WWC1: variants seen among roughly 807,000 people sequenced by gnomAD.
WWC1 encodes the protein protein KIBRA.
In WWC1, 55 loss-of-function variants were observed where a neutral mutation model predicts 138.4. The observed-to-expected ratio is 0.40, with a 90% CI of 0.32 to 0.50. The LOEUF (loss-of-function observed/expected upper bound fraction) is 0.50. WWC1 is among the 20% of genes least tolerant of loss of function. The pLI, the probability that WWC1 is intolerant of heterozygous loss-of-function variation, is 0.72. For missense variants in WWC1, 1,226 were observed against 1,420.4 expected, an observed-to-expected ratio of 0.86 and a Z score of 2.20; for synonymous variants, 524 against 564.9, an observed-to-expected ratio of 0.93 and a Z score of 1.03.
At chr5:168,306,575 A>T (rs766948636) in intron 1 of WWC1, among the ~76,000 whole-genome samples, 15 of 152,086 alleles carry the variant, frequency 9.9e-5, no homozygotes, top group Non-Finnish European at 1.5e-4. Context: ...CTTTTGAATA[A>T]ATTGATCTAA....
At chr5:168,467,569 G>A (rs1388109706) in intron 21 of WWC1, 3 of 382,142 alleles carry the variant, frequency 7.9e-6, no homozygotes, top group Admixed American at 8.1e-5. Flanking sequence ...GGTGGCCTGA[G>A]GATTAGAGGT....
intron 2 of WWC1, among the ~76,000 whole-genome samples, chr5:168,372,098 G>A (rs1002465770): frequency 1.6e-5 from 2 of 123,940 alleles, no homozygotes; most frequent in Admixed American, 1.5e-4. Context: ...TGTGTGTCTG[G>A]CCCATCATAC....
intron 18 of WWC1, among the ~76,000 whole-genome samples, chr5:168,454,913 C>T (rs575079238): frequency 6.6e-6 from 1 of 152,198 alleles, no homozygotes; most frequent in African/African-American, 2.4e-5. Context: ...GTTTTAAAAA[C>T]AAGATTTGCC....
intron 2 of WWC1, among the ~76,000 whole-genome samples, chr5:168,379,820 T>C (rs1012488406): frequency 1.3e-5 from 2 of 152,192 alleles, no homozygotes; most frequent in Non-Finnish European, 2.9e-5. Context: ...GGCCACCACT[T>C]CTACCTTTGC....
At chr5:168,452,388 G>A (rs1463999672) in intron 17 of WWC1, among the ~76,000 whole-genome samples, 1 of 152,164 alleles carries the variant, frequency 6.6e-6, no homozygotes, top group African/African-American at 2.4e-5. Context: ...GACCATTGAA[G>A]TTGGGCTGGG....
chr5:168,453,843 A>G (rs1756054730), intron 17 of WWC1, 125 bp from the exon 18 acceptor site: 11 of 1,496,252 alleles, frequency 7.4e-6, no homozygotes, highest in Non-Finnish European at 8.9e-6. Context: ...TGGCCCCCCA[A>G]AACTTTTTAA....
intron 2 of WWC1, among the ~76,000 whole-genome samples, chr5:168,382,067 T>C (rs1777679345): frequency 6.6e-6 from 1 of 152,122 alleles, no homozygotes; most frequent in Non-Finnish European, 1.5e-5. Flanking sequence ...TACTGCAGCA[T>C]TGAATGTAGT....
At chr5:168,401,895 C>G (rs546811367) in intron 5 of WWC1, among the ~76,000 whole-genome samples, 1 of 152,240 alleles carries the variant, frequency 6.6e-6, no homozygotes, top group African/African-American at 2.4e-5. Context: ...CCTATTGAAG[C>G]AATAGCCTGA....
chr5:168,415,481 C>G (rs1217007965), intron 9 of WWC1: 1 of 152,192 alleles, frequency 6.6e-6, no homozygotes, highest in African/African-American at 2.4e-5. Context: ...TTCCCACCAA[C>G]CTCCTCACCC....
intron 1 of WWC1, among the ~76,000 whole-genome samples, chr5:168,337,078 A>T (rs889168898): frequency 3.3e-5 from 5 of 152,158 alleles, no homozygotes; most frequent in Non-Finnish European, 7.4e-5. Flanking sequence ...TCCAAGTGAC[A>T]TCCTAAGAAA....
chr5:168,454,049 T>C lies in WWC1; in HGVS notation c.2607T>C (p.Asp869=), dbSNP rs745666936. ...EEVEEEEGEE[D]VFTEKASPDM... ...TGGAGGAGGAGGAGGGAGAAGAGGA[T>C]GTTTTCACCGAGAAAGCCTCACCTG... The change falls in exon 18 of 23, where the codon GAT becomes GAC. Residue 869 remains aspartate, a synonymous_variant. Coordinates refer to ENST00000265293, the MANE Select transcript of WWC1 (RefSeq NM_015238.3). 4.3e-6 allele frequency: 7 copies of C among 1,612,148 alleles called. No homozygotes were observed. The highest frequency in any genetic ancestry group is 5.1e-6 in the Non-Finnish European group (6 of 1,179,554).
intron 19 of WWC1, among the ~76,000 whole-genome samples, chr5:168,455,918 T>C (rs1582369112): frequency 6.6e-6 from 1 of 152,178 alleles, no homozygotes; most frequent in Admixed American, 6.5e-5. Context: ...GCAGATCTGG[T>C]ACCAGTTTGT....
chr5:168,409,919 C>T lies in WWC1; in HGVS notation c.868-3C>T. ...AATTCCTGACTTTGTTCTTCTCCTC[C>T]AGTTCGGCATCAACAGCAACAATCA... On this transcript the variant is annotated splice_region_variant and splice_polypyrimidine_tract_variant and intron_variant, in intron 7 of 22. Coordinates refer to ENST00000265293, the MANE Select transcript of WWC1 (RefSeq NM_015238.3). 6.2e-7 allele frequency: 1 copy of T among 1,613,932 alleles called. No individual in the cohort carries two copies. The highest frequency in any genetic ancestry group is 8.5e-7 in the Non-Finnish European group (1 of 1,179,868).
chr5:168,414,762 C>A, intron 9 of WWC1, 172 bp downstream of exon 9: 1 of 990,994 alleles, frequency 1.0e-6, no homozygotes, highest in South Asian at 2.0e-5. Flanking sequence ...AGATGGTTTG[C>A]CATCCAGTGC....
intron 1 of WWC1, among the ~76,000 whole-genome samples, chr5:168,369,895 ATTTTT>A (rs35999257): frequency 1.1e-5 from 1 of 89,010 alleles, no homozygotes; most frequent in African/African-American, 4.8e-5. Flanking sequence ...TCATTGTGCA[ATTTTT>A]TTTTTTTTTT....
Position 168,359,033 on chromosome 5 carries a change from G to GGGTGT in WWC1, c.120-12390_120-12389insGTGTG, listed in dbSNP as rs1491404850. ...TTTTTGTTGTTGTTGGTGGTGGTGG[G>GGGTGT]GTGTGTGTGTGTGTGTGTGTGTGTG... On this transcript the variant is annotated intron_variant, in intron 1 of 22. Transcript: ENST00000265293. 2.9e-3 allele frequency among the ~76,000 whole-genome samples: 423 copies of GGGTGT among 148,304 alleles called. 9 individuals carry two copies. Among genetic ancestry groups the GGGTGT allele is most frequent in the African/African-American group, 0.01 (409 of 39,662 alleles).
rs1781714109 is a variant in WWC1 at position 168,428,758 on chromosome 5, G to A, written c.1971G>A (p.Val657=). 1.2e-6 allele frequency: 2 copies of A among 1,613,894 alleles called. No individual in the cohort carries two copies. Among genetic ancestry groups the A allele is most frequent in the African/African-American group, 1.3e-5 (1 of 74,990 alleles). ...TTGACAGTGACGAATCGGAAGCAGT[G>A]GGTGCGACCCGAATTCAGATTGCCC... ...AAFDSDESEA[V]GATRIQIALK... The change falls in exon 13 of 23, where the codon GTG becomes GTA. Residue 657 remains valine (V), a synonymous_variant. Coordinates refer to ENST00000265293, the MANE Select transcript of WWC1 (RefSeq NM_015238.3).
chr5:168,357,418 G>T (rs1189949979), intron 1 of WWC1, among the ~76,000 whole-genome samples: 1 of 149,808 alleles, frequency 6.7e-6, no homozygotes, highest in African/African-American at 2.5e-5. Context: ...TTTTCCGTGT[G>T]GTTCACCATC....
chr5:168,422,182 T>A (rs1781140613), intron 10 of WWC1, 85 bp downstream of exon 10: 1 of 1,328,040 alleles, frequency 7.5e-7, no homozygotes, highest in East Asian at 2.4e-5. Flanking sequence ...GCTCTACCCT[T>A]CACTTGTCCT....
Sources: gnomAD v4.1 joint callset for allele counts (sites outside exome capture counted in the v4.1 genomes callset) on GRCh38, gnomAD v4.1.1 for gene constraint, MANE v1.5 for transcripts, NCBI Gene and HGNC (gene_info 2026-07-23, HGNC 2026-07-21) for gene names.